The following CACHD1 variants were observed in gnomAD, a reference collection of about 807,000 sequenced individuals.
CACHD1 encodes cache domain containing 1.
A neutral mutation model predicts 138.7 loss-of-function variants in CACHD1; 71 were observed. The observed-to-expected ratio is 0.51, with a 90% CI of 0.42 to 0.62. The LOEUF is 0.62. CACHD1 is among the 20% of genes least tolerant of loss of function. CACHD1 has a pLI of 0.00. For synonymous variants in CACHD1, 578 were observed against 591.5 expected, an observed-to-expected ratio of 0.98 and a Z score of 0.33; for missense variants, 1,389 against 1,625.3, an observed-to-expected ratio of 0.85 and a Z score of 2.50.
At chr1:64,499,070 C>T (rs897370144) in intron 1 of CACHD1, among the ~76,000 whole-genome samples, 3 of 152,094 alleles carry the variant, frequency 2.0e-5, no homozygotes, top group Non-Finnish European at 2.9e-5. Context: ...TCTGATACAG[C>T]GGCTCCAGCA....
intron 1 of CACHD1, among the ~76,000 whole-genome samples, chr1:64,538,414 C>T (rs530894674): frequency 6.6e-6 from 1 of 152,296 alleles, no homozygotes; most frequent in Non-Finnish European, 1.5e-5. Context: ...CTTGAGACAT[C>T]ATATGACAGA....
At chr1:64,642,303 G>A (rs963563168) in intron 8 of CACHD1, among the ~76,000 whole-genome samples, 1 of 151,944 alleles carries the variant, frequency 6.6e-6, no homozygotes, top group Non-Finnish European at 1.5e-5. Context: ...TTATCTCATT[G>A]GTTTAAGCTG....
chr1:64,477,723 T>C (rs370414028), intron 1 of CACHD1, among the ~76,000 whole-genome samples: 1 of 151,252 alleles, frequency 6.6e-6, no homozygotes, highest in South Asian at 2.1e-4. Flanking sequence ...CAAGCTCTGC[T>C]TCCCGGGTTC....
At position 64,634,054 on chromosome 1, in the gene CACHD1, T is replaced by A; in HGVS notation, c.800T>A (p.Leu267Ter). 2 of 1,610,348 alleles carry A rather than the reference T, an allele frequency of 1.2e-6. No homozygotes were observed. The highest frequency in any genetic ancestry group is 1.3e-5 in the African/African-American group (1 of 74,848). The change falls in exon 7 of 27, where the codon TTA becomes TAA. Residue 267 changes from leucine to a stop codon, truncating the protein, a stop_gained. Coordinates refer to ENST00000651257, the MANE Select transcript of CACHD1 (RefSeq NM_020925.4). LOFTEE classifies it high-confidence loss of function. Reference protein sequence around the residue: ...AIDEHDKISVLTVADTVRTCS... With the variant: ...AIDEHDKISV ...TTTTCTTTCCTGCAGATTTCTGTGT[T>A]AACTGTGGCAGATACCGTCCGGACT...
In CACHD1 at chr1:64,631,006, T is replaced by C. The variant is rs1425481440; in HGVS notation, c.644+1525T>C. 2.0e-5 allele frequency among the ~76,000 whole-genome samples: 3 copies of C among 152,312 alleles called. No individual in the cohort carries two copies. In the East Asian group the frequency reaches 5.8e-4, roughly 29 times the overall value. On this transcript the variant is annotated intron_variant, in intron 5 of 26. Coordinates refer to ENST00000651257, the MANE Select transcript of CACHD1 (RefSeq NM_020925.4). ...TCCTATGATGCCTTTCCAAGTTCTC[T>C]ACATTCTTTGGAAGTATGGAATGGA...
chr1:64,470,917 A>G lies in CACHD1; in HGVS notation c.173A>G (p.Glu58Gly). The G allele has an allele frequency of 4.4e-6, 7 of 1,606,998 alleles. No homozygotes were observed. The highest frequency in any genetic ancestry group is 5.9e-6 in the Non-Finnish European group (7 of 1,176,628). ...AGCCAGATGCGGAGGCTGGCGGCCGAGGAGCTGGGGGTCGTCACCATGCAG... is the reference window on the plus strand; with the variant it reads ...AGCCAGATGCGGAGGCTGGCGGCCGGGGAGCTGGGGGTCGTCACCATGCAG... ...LASQMRRLAAEELGVVTMQRI... is the reference protein window; with the variant it reads ...LASQMRRLAAGELGVVTMQRI... The change falls in exon 1 of 27, where the codon GAG becomes GGG. Residue 58 changes from glutamate to glycine, a missense_variant. This residue lies in a region of CACHD1 where 1,000 missense variants were observed against 1,114.7 expected (regional missense o/e 0.90). Transcript: ENST00000651257. The surrounding 1 kb of genome is among the most constrained non-coding windows in gnomAD (Gnocchi z 5.2).
chr1:64,527,566 C>T (rs930518538), intron 1 of CACHD1, among the ~76,000 whole-genome samples: 12 of 152,160 alleles, frequency 7.9e-5, no homozygotes, highest in African/African-American at 2.9e-4. Context: ...TGACCTGAGG[C>T]AGGCTGGTGT....
At chr1:64,600,710 A>G (rs567314820) in intron 3 of CACHD1, among the ~76,000 whole-genome samples, 1 of 152,356 alleles carries the variant, frequency 6.6e-6, no homozygotes, top group East Asian at 1.9e-4. Flanking sequence ...CATGAATAGA[A>G]CAATAATTTT....
chr1:64,546,062 G>A (rs984179710), intron 1 of CACHD1, among the ~76,000 whole-genome samples: 3 of 152,148 alleles, frequency 2.0e-5, no homozygotes, highest in Non-Finnish European at 4.4e-5. Context: ...GGCAGGGCTG[G>A]GCAGTATCTT....
At chr1:64,670,922 G>A (rs1050592921) in intron 16 of CACHD1, among the ~76,000 whole-genome samples, 22 of 152,312 alleles carry the variant, frequency 1.4e-4, no homozygotes, top group African/African-American at 5.1e-4. Flanking sequence ...AAACAAGTTA[G>A]CACCGTGTTT....
In CACHD1 at chr1:64,692,940, A is replaced by G. The variant is rs1343657439; in HGVS notation, c.*1379A>G. 2 of 152,672 alleles carry G rather than the reference A, an allele frequency of 1.3e-5. No individual in the cohort carries two copies. The highest frequency in any genetic ancestry group is 1.3e-4 in the Admixed American group (2 of 15,286). 9.5% of individuals were successfully genotyped at this position (152,672 alleles called of 1,614,324 possible). On this transcript the variant is annotated 3_prime_UTR_variant, in exon 27 of 27. Transcript: ENST00000651257. Reference sequence around the variant, plus strand: ...TGATAGGGTATTATGATACAATGTAAAAAACAATTGGTTCTTCAGCAGTAC... The same window carrying G: ...TGATAGGGTATTATGATACAATGTAGAAAACAATTGGTTCTTCAGCAGTAC...
At chr1:64,634,986 ACT>A (rs1204515281) in intron 7 of CACHD1, among the ~76,000 whole-genome samples, 2 of 92,970 alleles carry the variant, frequency 2.2e-5, no homozygotes, top group Non-Finnish European at 3.9e-5. Context: ...ACAGAGCAAG[ACT>A]CTGTCTCAAA....
At chr1:64,602,312 C>A (rs1647224288) in intron 3 of CACHD1, among the ~76,000 whole-genome samples, 1 of 152,054 alleles carries the variant, frequency 6.6e-6, no homozygotes, top group East Asian at 1.9e-4. Flanking sequence ...ATTGAATAAT[C>A]TTTCTAATAG....
chr1:64,520,989 C>G (rs1646494083), intron 1 of CACHD1, among the ~76,000 whole-genome samples: 1 of 152,198 alleles, frequency 6.6e-6, no homozygotes. Context: ...TAACAACTTA[C>G]CACAAACTCA....
At chr1:64,482,157 A>C (rs1183825566) in intron 1 of CACHD1, among the ~76,000 whole-genome samples, 1 of 152,100 alleles carries the variant, frequency 6.6e-6, no homozygotes, top group African/African-American at 2.4e-5. Context: ...TGATCATTGC[A>C]TTCATTTCTA....
At chr1:64,631,227 T>A (rs1361986478) in intron 5 of CACHD1, among the ~76,000 whole-genome samples, 1 of 152,254 alleles carries the variant, frequency 6.6e-6, no homozygotes, top group Non-Finnish European at 1.5e-5. Context: ...AAGTGTGTCA[T>A]TTTAAAGAAA....
chr1:64,520,704 G>T (rs1304371581), intron 1 of CACHD1, among the ~76,000 whole-genome samples: 5 of 152,188 alleles, frequency 3.3e-5, no homozygotes, highest in African/African-American at 1.2e-4. Flanking sequence ...TGCTTAAAAA[G>T]CACTGATTAA....
At chr1:64,485,633 T>TCAC (rs1646237664) in intron 1 of CACHD1, among the ~76,000 whole-genome samples, 1 of 152,164 alleles carries the variant, frequency 6.6e-6, no homozygotes, top group African/African-American at 2.4e-5. Context: ...CAGGCTGGAG[T>TCAC]GCAGTAGCAT....
chr1:64,554,223 G>T (rs1646780402), intron 2 of CACHD1, among the ~76,000 whole-genome samples: 1 of 152,104 alleles, frequency 6.6e-6, no homozygotes, highest in Non-Finnish European at 1.5e-5. Context: ...CTAATGTTTT[G>T]ATTTTTGTTC....
Sources: gnomAD v4.1 joint callset for allele counts (sites outside exome capture counted in the v4.1 genomes callset) on GRCh38, gnomAD v4.1.1 for gene constraint, gnomAD v4.1.1 regional missense constraint, Gnocchi (gnomAD v3.1) non-coding constraint, MANE v1.5 for transcripts, NCBI Gene and HGNC (gene_info 2026-07-23, HGNC 2026-07-21) for gene names.